The following PTPRT variants were observed in gnomAD, a reference collection of about 807,000 sequenced individuals.
The protein encoded by PTPRT is receptor-type tyrosine-protein phosphatase T.
In PTPRT, 56 loss-of-function variants were observed where a neutral mutation model predicts 176.8. That is an observed-to-expected ratio of 0.32 (90% CI 0.26 to 0.40). PTPRT has a LOEUF of 0.40. PTPRT is among the 10% of genes least tolerant of loss of function. The pLI, the probability that PTPRT is intolerant of heterozygous loss-of-function variation, is 1.00. For synonymous variants in PTPRT, 783 were observed against 739.0 expected, an observed-to-expected ratio of 1.06 and a Z score of -0.96; for missense variants, 1,540 against 1,908.2, an observed-to-expected ratio of 0.81 and a Z score of 3.60.
intron 6 of PTPRT, among the ~76,000 whole-genome samples, chr20:42,693,290 T>C (rs1366482640): frequency 6.6e-6 from 1 of 152,186 alleles, no homozygotes; most frequent in Non-Finnish European, 1.5e-5. Context: ...TATATTCTCC[T>C]TATGTTGAAG....
chr20:42,119,986 A>G lies in PTPRT; in HGVS notation c.2848-15T>C. 6.2e-7 allele frequency: 1 copy of G among 1,605,732 alleles called. No individual in the cohort carries two copies. The highest frequency in any genetic ancestry group is 2.3e-5 in the East Asian group (1 of 44,060). On this transcript the variant is annotated splice_polypyrimidine_tract_variant and intron_variant, in intron 19 of 30. Coordinates refer to ENST00000373187, the MANE Select transcript of PTPRT (RefSeq NM_007050.6). ...CGATGGTATCCCTGGATAACAGGAG[A>G]AAAGCACTGTGAAGAGTCTGTTGTC...
chr20:43,160,819 T>G (rs6030675), intron 1 of PTPRT, among the ~76,000 whole-genome samples: 81,832 of 151,928 alleles, frequency 0.54, 24,021 homozygotes, highest in Middle Eastern at 0.65. Context: ...TTTAAGATAT[T>G]GGCCCTGTAC....
intron 9 of PTPRT, among the ~76,000 whole-genome samples, chr20:42,429,957 G>T (rs573885501): frequency 6.6e-6 from 1 of 152,230 alleles, no homozygotes; most frequent in Non-Finnish European, 1.5e-5. Flanking sequence ...GGGCAAGCCC[G>T]CAAGGGCTGA....
At chr20:43,052,268 A>G (rs1181807032) in intron 1 of PTPRT, among the ~76,000 whole-genome samples, 1 of 152,234 alleles carries the variant, frequency 6.6e-6, no homozygotes, top group Non-Finnish European at 1.5e-5. Context: ...TTCAGCATAA[A>G]TGAACAAAGA....
At chr20:42,247,494 G>T (rs570728513) in intron 14 of PTPRT, among the ~76,000 whole-genome samples, 3 of 152,240 alleles carry the variant, frequency 2.0e-5, no homozygotes, top group South Asian at 2.1e-4. Flanking sequence ...CCTTTGTTCT[G>T]GTAGGAAACA....
intron 12 of PTPRT, among the ~76,000 whole-genome samples, chr20:42,311,529 A>G (rs755722825): frequency 2.6e-5 from 4 of 152,212 alleles, no homozygotes; most frequent in South Asian, 2.1e-4. Flanking sequence ...CCATCCTGCA[A>G]CAAATGCCCA....
chr20:42,296,450 A>C (rs1447151464), intron 12 of PTPRT, among the ~76,000 whole-genome samples: 2 of 151,850 alleles, frequency 1.3e-5, no homozygotes, highest in South Asian at 2.1e-4. Flanking sequence ...TGTCTCAAAA[A>C]AAAAAAAAAA....
chr20:42,240,984 A>G (rs2056342804), intron 14 of PTPRT, among the ~76,000 whole-genome samples: 1 of 152,206 alleles, frequency 6.6e-6, no homozygotes, highest in Admixed American at 6.5e-5. Flanking sequence ...ATTTTATTTA[A>G]TCTTCACAAT....
At chr20:42,777,481 C>A (rs1303780444) in intron 4 of PTPRT, among the ~76,000 whole-genome samples, 1 of 152,150 alleles carries the variant, frequency 6.6e-6, no homozygotes. Context: ...ATCCAAGCAG[C>A]CCTCCCGTAT....
intron 12 of PTPRT, among the ~76,000 whole-genome samples, chr20:42,286,569 T>C (rs1238366053): frequency 6.6e-6 from 1 of 151,822 alleles, no homozygotes; most frequent in Non-Finnish European, 1.5e-5. Context: ...TCTCACCCTA[T>C]ACAAAAATCA....
intron 6 of PTPRT, among the ~76,000 whole-genome samples, chr20:42,682,328 G>T (rs1164781883): frequency 6.6e-6 from 1 of 152,144 alleles, no homozygotes; most frequent in African/African-American, 2.4e-5. Context: ...TGAAGAGAAT[G>T]CCACTAATTA....
At chr20:42,250,218 G>A (rs58537878) in intron 13 of PTPRT, among the ~76,000 whole-genome samples, 7,593 of 152,234 alleles carry the variant, frequency 0.05, 665 homozygotes, top group African/African-American at 0.17. Flanking sequence ...GCAAGATTAC[G>A]CCTCGTTTAT....
chr20:42,340,840 GAA>G (rs1177324051), intron 11 of PTPRT, among the ~76,000 whole-genome samples: 1 of 151,818 alleles, frequency 6.6e-6, no homozygotes, highest in Non-Finnish European at 1.5e-5. Flanking sequence ...AAAGTCAGCA[GAA>G]AAAAAAGTTA....
chr20:43,025,297 T>C (rs1985865580), intron 1 of PTPRT, among the ~76,000 whole-genome samples: 1 of 152,262 alleles, frequency 6.6e-6, no homozygotes, highest in Non-Finnish European at 1.5e-5. Flanking sequence ...CTAATGACTA[T>C]GTGAAGGCAA....
intron 1 of PTPRT, among the ~76,000 whole-genome samples, chr20:42,923,414 A>G (rs1979282853): frequency 6.6e-6 from 1 of 152,208 alleles, no homozygotes. Context: ...ATGGCCACAA[A>G]GTACCTAAAT....
intron 16 of PTPRT, among the ~76,000 whole-genome samples, chr20:42,177,324 G>A (rs556336446): frequency 6.6e-6 from 1 of 152,170 alleles, no homozygotes; most frequent in South Asian, 2.1e-4. Flanking sequence ...GTTCTTTAAA[G>A]GTCCTGGAAT....
intron 7 of PTPRT, among the ~76,000 whole-genome samples, chr20:42,584,110 C>G (rs893748833): frequency 1.3e-5 from 2 of 152,190 alleles, no homozygotes; most frequent in African/African-American, 4.8e-5. Context: ...TGAATATCAC[C>G]AAGAGACCTG....
At chr20:42,675,646 TG>T (rs2075489620) in intron 7 of PTPRT, among the ~76,000 whole-genome samples, 1 of 152,218 alleles carries the variant, frequency 6.6e-6, no homozygotes, top group Non-Finnish European at 1.5e-5. Context: ...ATTAATACTG[TG>T]AAATATTAAT....
chr20:42,532,290 G>A (rs2145545841), intron 7 of PTPRT, among the ~76,000 whole-genome samples: 1 of 152,296 alleles, frequency 6.6e-6, no homozygotes, highest in Non-Finnish European at 1.5e-5. Flanking sequence ...GCTGATATAA[G>A]GAATGCACAA....
Sources: gnomAD v4.1 joint callset for allele counts (sites outside exome capture counted in the v4.1 genomes callset) on GRCh38, gnomAD v4.1.1 for gene constraint, MANE v1.5 for transcripts, NCBI Gene and HGNC (gene_info 2026-07-23, HGNC 2026-07-21) for gene names.